Variants in SLC4A10 observed in about 807,000 individuals in gnomAD.
The protein encoded by SLC4A10 is solute carrier family 4 member 10.
Under a neutral mutation model 137.7 loss-of-function variants are expected in SLC4A10, and 42 were observed. The observed-to-expected ratio is 0.30, with a 90% confidence interval of 0.24 to 0.39. SLC4A10 has a LOEUF of 0.39. SLC4A10 is among the 10% of genes least tolerant of loss of function. The pLI is 1.00. For synonymous variants in SLC4A10, 474 were observed against 464.1 expected, an observed-to-expected ratio of 1.02 and a Z score of -0.27; for missense variants, 925 against 1,355.0, an observed-to-expected ratio of 0.68 and a Z score of 4.98.
intron 1 of SLC4A10, among the ~76,000 whole-genome samples, chr2:161,693,777 C>A (rs915871291): frequency 4.0e-5 from 6 of 150,792 alleles, no homozygotes; most frequent in African/African-American, 1.5e-4. Context: ...TCAGGTTCAT[C>A]CATGTTGTCT....
intron 1 of SLC4A10, among the ~76,000 whole-genome samples, chr2:161,696,799 A>G (rs1231362728): frequency 6.6e-6 from 1 of 152,148 alleles, no homozygotes; most frequent in Non-Finnish European, 1.5e-5. Flanking sequence ...AGCATGATTT[A>G]TAATCCTTTT....
At chr2:161,726,363 C>G (rs1301269394) in intron 1 of SLC4A10, among the ~76,000 whole-genome samples, 2 of 152,042 alleles carry the variant, frequency 1.3e-5, no homozygotes, top group African/African-American at 4.8e-5. Flanking sequence ...GCTACTTTTC[C>G]TATCTCCAGA....
At chr2:161,680,002 T>A (rs2040673875) in intron 1 of SLC4A10, among the ~76,000 whole-genome samples, 1 of 152,110 alleles carries the variant, frequency 6.6e-6, no homozygotes, top group Admixed American at 6.6e-5. Flanking sequence ...TACCTTGAAT[T>A]ACTTCAATTT....
intron 2 of SLC4A10, among the ~76,000 whole-genome samples, chr2:161,795,442 C>T (rs976653069): frequency 3.3e-5 from 5 of 152,074 alleles, no homozygotes; most frequent in Admixed American, 2.0e-4. Flanking sequence ...GTATACAACT[C>T]AATGAGTTTG....
chr2:161,802,730 G>A (rs1269551511), intron 2 of SLC4A10, among the ~76,000 whole-genome samples: 1 of 152,064 alleles, frequency 6.6e-6, no homozygotes, highest in African/African-American at 2.4e-5. Flanking sequence ...GTCTCATTCT[G>A]AAGACTTTTC....
At chr2:161,909,941 G>A (rs953278210) in intron 15 of SLC4A10, among the ~76,000 whole-genome samples, 3 of 152,068 alleles carry the variant, frequency 2.0e-5, no homozygotes, top group African/African-American at 7.2e-5. Flanking sequence ...TCCACCTAAA[G>A]TTTTCTACTT....
Position 161,804,570 on chromosome 2 carries a change from G to A in SLC4A10, c.252G>A (p.Glu84=), listed in dbSNP as rs1259341628. ...KRDRERDSGL[E]DGRESPSFDT... ...ACAGAGAAAGAGATTCAGGATTAGAGGATGGAAGGGAGTCACCTTCTTTTG... is the reference window on the plus strand; with the variant it reads ...ACAGAGAAAGAGATTCAGGATTAGAAGATGGAAGGGAGTCACCTTCTTTTG... Residue 84 remains glutamate, a synonymous_variant, in exon 3 of 27, where the codon GAG becomes GAA. Transcript: ENST00000446997. 3.1e-6 allele frequency: 5 copies of A among 1,611,488 alleles called. No homozygotes were observed. The highest frequency in any genetic ancestry group is 4.2e-6 in the Non-Finnish European group (5 of 1,178,680).
At chr2:161,854,148 C>T (rs1051200000) in intron 4 of SLC4A10, among the ~76,000 whole-genome samples, 8 of 152,098 alleles carry the variant, frequency 5.3e-5, no homozygotes, top group Non-Finnish European at 4.4e-5. Context: ...GGCTAAGGTT[C>T]ATTAGAAATG....
chr2:161,891,905 T>C (rs2062967195), intron 10 of SLC4A10, among the ~76,000 whole-genome samples: 1 of 152,014 alleles, frequency 6.6e-6, no homozygotes, highest in African/African-American at 2.4e-5. Context: ...TCAGCCTTTT[T>C]GTGCTGAAAA....
At chr2:161,830,183 A>G (rs2058342913) in intron 3 of SLC4A10, among the ~76,000 whole-genome samples, 2 of 151,894 alleles carry the variant, frequency 1.3e-5, no homozygotes, top group South Asian at 2.1e-4. Context: ...AAAAATAACA[A>G]CAACCAGGGC....
chr2:161,911,685 G>A (rs1685885619), intron 15 of SLC4A10, among the ~76,000 whole-genome samples: 1 of 151,966 alleles, frequency 6.6e-6, no homozygotes, highest in Admixed American at 6.6e-5. Flanking sequence ...GGTAAATCAT[G>A]GCTATTAGGC....
chr2:161,918,116 A>G (rs1279061246), intron 15 of SLC4A10, among the ~76,000 whole-genome samples: 1 of 152,178 alleles, frequency 6.6e-6, no homozygotes, highest in Non-Finnish European at 1.5e-5. Context: ...TACTTAGGTC[A>G]CTTAAATATC....
At chr2:161,947,543 A>G (rs752765865) in intron 16 of SLC4A10, 23 bp from the exon 17 acceptor site, 1 of 1,603,348 alleles carries the variant, frequency 6.2e-7, no homozygotes, top group South Asian at 1.1e-5. Flanking sequence ...TAGTAGCTCC[A>G]TTTGTTTTAC....
At chr2:161,625,849 T>C (rs1259478592) in intron 1 of SLC4A10, among the ~76,000 whole-genome samples, 1 of 145,918 alleles carries the variant, frequency 6.9e-6, no homozygotes, top group Admixed American at 6.8e-5. Context: ...AAGAATAGAG[T>C]CTCAACAGAG....
In SLC4A10 at chr2:161,904,118, G is replaced by A. The variant is rs374169144; in HGVS notation, c.1557G>A (p.Ala519=). The change falls in exon 13 of 27, where the codon GCG becomes GCA. Residue 519 remains alanine, a synonymous_variant. Coordinates refer to ENST00000446997, the MANE Select transcript of SLC4A10 (RefSeq NM_001178015.2). The part of the protein sequence containing the change: ...CLASFLFLYC[A]CMSPVITFGG... Reference sequence around the variant, plus strand: ...CATCTTTTCTATTTCTCTACTGCGCGTGTATGTCTCCTGTCATCACGTTTG... The same window carrying A: ...CATCTTTTCTATTTCTCTACTGCGCATGTATGTCTCCTGTCATCACGTTTG... The A allele has an allele frequency of 5.4e-5, 87 of 1,610,764 alleles. 2 individuals carry two copies. The highest frequency in any genetic ancestry group is 1.8e-4 in the South Asian group (16 of 90,224).
chr2:161,844,391 G>T (rs2059369105), intron 4 of SLC4A10, among the ~76,000 whole-genome samples: 1 of 152,000 alleles, frequency 6.6e-6, no homozygotes. Context: ...TAAACACTAG[G>T]TTTGGATGTA....
At chr2:161,892,311 T>G (rs1445242952) in intron 10 of SLC4A10, among the ~76,000 whole-genome samples, 2 of 152,034 alleles carry the variant, frequency 1.3e-5, no homozygotes, top group African/African-American at 4.8e-5. Context: ...AAACTCTCAT[T>G]GAGGACTAAG....
rs947171026 is a variant in SLC4A10, at chr2:161,904,769, T to C, written c.1618-7T>C. 3.1e-6 allele frequency: 5 copies of C among 1,613,836 alleles called. No individual in the cohort carries two copies. The African/African-American group carries it at 5.3e-5, about 17-fold the overall frequency. Reference sequence around the variant, plus strand: ...TAGGTAATTGAACCATTTATATCTCTACACAGAGTGCAATTGAATCTCTCT... The same window carrying C: ...TAGGTAATTGAACCATTTATATCTCCACACAGAGTGCAATTGAATCTCTCT... On this transcript the variant is annotated splice_region_variant and splice_polypyrimidine_tract_variant and intron_variant, in intron 13 of 26. Transcript: ENST00000446997.
At chr2:161,935,515 A>T (rs934730681) in intron 15 of SLC4A10, among the ~76,000 whole-genome samples, 32 of 152,054 alleles carry the variant, frequency 2.1e-4, no homozygotes, top group African/African-American at 7.7e-4. Context: ...TAAACACAGG[A>T]TATTTTTCCT....
Sources: allele counts gnomAD v4.1 joint callset (sites outside exome capture counted in the v4.1 genomes callset), GRCh38; gene constraint gnomAD v4.1.1; transcripts MANE v1.5; gene names NCBI Gene and HGNC (gene_info 2026-07-23, HGNC 2026-07-21).